The following PRKAG1 variants were observed in gnomAD, a reference collection of about 807,000 sequenced individuals.
PRKAG1 encodes protein kinase AMP-activated non-catalytic subunit gamma 1.
In PRKAG1, 27 loss-of-function variants were observed where a neutral mutation model predicts 48.2. The observed-to-expected ratio is 0.56, with a 90% CI of 0.41 to 0.77. The LOEUF is 0.77. Among genes scored for constraint, PRKAG1 ranks in the 30% least tolerant of loss-of-function variants. The pLI is 0.00. For synonymous variants in PRKAG1, 130 were observed against 147.7 expected (o/e 0.88, Z 0.87); for missense variants, 287 against 398.3 (o/e 0.72, Z 2.38).
chr12:49,017,456 C>T, intron 1 of PRKAG1: 1 of 311,108 alleles, frequency 3.2e-6, no homozygotes, highest in South Asian at 2.5e-5. Flanking sequence ...AAGCAATCCA[C>T]TTGCCTTGGC....
chr12:49,007,513 T>C (rs1170258587), intron 2 of PRKAG1, among the ~76,000 whole-genome samples: 1 of 152,190 alleles, frequency 6.6e-6, no homozygotes, highest in Non-Finnish European at 1.5e-5. Context: ...ACCAAAGTTA[T>C]ATAGACACAC....
intron 1 of PRKAG1, among the ~76,000 whole-genome samples, chr12:49,016,444 TC>T (rs1941972430): frequency 6.6e-6 from 1 of 152,218 alleles, no homozygotes; most frequent in African/African-American, 2.4e-5. Context: ...AAAACATTTG[TC>T]CCTCCAATCC....
At chr12:49,006,115 G>A (rs561102242) in intron 2 of PRKAG1, among the ~76,000 whole-genome samples, 6 of 152,086 alleles carry the variant, frequency 3.9e-5, no homozygotes, top group Non-Finnish European at 7.4e-5. Flanking sequence ...AAAACATAAA[G>A]CCTATAGTAT....
intron 2 of PRKAG1, 133 bp downstream of exon 2, chr12:49,012,929 A>G: frequency 1.2e-6 from 1 of 852,784 alleles, no homozygotes; most frequent in Non-Finnish European, 1.9e-6. Context: ...ACTGTCACTG[A>G]TTTTTGTGGT....
In PRKAG1 at chr12:49,018,753, C is replaced by G. The variant is rs762109977; in HGVS notation, c.-13G>C. On this transcript the variant is annotated 5_prime_UTR_variant, in exon 1 of 12. Coordinates refer to ENST00000548065, the MANE Select transcript of PRKAG1 (RefSeq NM_002733.5). ...TCACCGTCTCCATTGCAAGAGGCGC[C>G]CGGCTTGGTTTCCTCGCTTTAGGAA... The G allele has an allele frequency of 1.9e-6, 3 of 1,612,780 alleles. No homozygotes were observed. The highest frequency in any genetic ancestry group is 2.2e-5 in the East Asian group (1 of 44,880).
Position 49,005,799 on chromosome 12 carries a change from A to G in PRKAG1, c.112T>C (p.Cys38Arg). 1.2e-6 allele frequency: 2 copies of G among 1,614,048 alleles called. No homozygotes were observed. Among genetic ancestry groups the G allele is most frequent in the Non-Finnish European group, 1.7e-6 (2 of 1,179,968 alleles). Residue 38 changes from cysteine (C) to arginine (R), a missense_variant, in exon 3 of 12, where the codon TGC becomes CGC. This residue lies in a region of PRKAG1 where 63 missense variants were observed against 54.0 expected (regional missense o/e 1.17). Transcript: ENST00000548065. The surrounding 1 kb of genome is among the most constrained non-coding windows in gnomAD (Gnocchi z 4.1). ...VYTSFMKSHRCYDLIPTSSKL... is the reference protein window; with the variant it reads ...VYTSFMKSHRRYDLIPTSSKL... ...GAGCTTGTGGGAATCAGGTCATAGC[A>G]GCGATGAGACTTCATGAAGGAAGTA...
At chr12:49,003,484 T>C in intron 10 of PRKAG1, 74 bp downstream of exon 10, 1 of 1,573,100 alleles carries the variant, frequency 6.4e-7, no homozygotes, top group South Asian at 1.1e-5. Flanking sequence ...AGAGACTCCC[T>C]TCTCCCTCTC....
chr12:49,011,522 G>A (rs1170541411), intron 2 of PRKAG1, among the ~76,000 whole-genome samples: 1 of 150,846 alleles, frequency 6.6e-6, no homozygotes, highest in Non-Finnish European at 1.5e-5. Context: ...GGCAAAAATA[G>A]GTCTTAGTTG....
In PRKAG1 at chr12:49,005,781, T is replaced by A. The variant is rs771144897; in HGVS notation, c.130A>T (p.Thr44Ser). The A allele has an allele frequency of 1.9e-6, 3 of 1,614,116 alleles. No individual in the cohort carries two copies. Among genetic ancestry groups the A allele is most frequent in the Non-Finnish European group, 2.5e-6 (3 of 1,180,010 alleles). ...KSHRCYDLIP[T>S]SSKLVVFDTS... ...TCAAATACAACCAATTTGGAGCTTG[T>A]GGGAATCAGGTCATAGCAGCGATGA... The change falls in exon 3 of 12, where the codon ACA becomes TCA. Residue 44 changes from threonine (T) to serine (S), a missense_variant. This residue lies in a region of PRKAG1 where 63 missense variants were observed against 54.0 expected (regional missense o/e 1.17). Coordinates refer to ENST00000548065, the MANE Select transcript of PRKAG1 (RefSeq NM_002733.5). The surrounding 1 kb of genome is among the most constrained non-coding windows in gnomAD (Gnocchi z 4.1).
At chr12:49,017,815 C>T (rs1322461240) in intron 1 of PRKAG1, 1 of 152,288 alleles carries the variant, frequency 6.6e-6, no homozygotes, top group African/African-American at 2.4e-5. Context: ...AGCAGAGAAA[C>T]GGTGTGGCAA....
rs1275948386 is a variant in PRKAG1, at chr12:49,003,237, G to C, written c.795C>G (p.Ala265=). 6.2e-7 allele frequency: 1 copy of C among 1,614,044 alleles called. No individual in the cohort carries two copies. Among genetic ancestry groups the C allele is most frequent in the African/African-American group, 1.3e-5 (1 of 74,902 alleles). The part of the protein sequence containing the change: ...YNNLDVSVTK[A]LQHRSHYFEG... ...CAAAGTAATGTGATCGATGTTGCAA[G>C]GCTTTAGTCACAGATACATCTAGGT... The change falls in exon 11 of 12, where the codon GCC becomes GCG. Residue 265 remains alanine (A), a synonymous_variant. Transcript: ENST00000548065.
chr12:49,005,877 G>A lies in PRKAG1; in HGVS notation c.59-25C>T. ...TCTGCATAGGGTGGGATAGTTAGTA[G>A]CTTCCTTCCACATAAAAACTCCCAA... On this transcript the variant is annotated intron_variant, in intron 2 of 11. Transcript: ENST00000548065. The surrounding 1 kb of genome is among the most constrained non-coding windows in gnomAD (Gnocchi z 4.1). 6.7e-7 allele frequency: 1 copy of A among 1,500,062 alleles called. No individual in the cohort carries two copies. Among genetic ancestry groups the A allele is most frequent in the Non-Finnish European group, 9.0e-7 (1 of 1,109,700 alleles). The allele number at this position is 1,500,062 out of a possible 1,614,324, so 92.9% of individuals were successfully genotyped here. A position where few individuals can be genotyped will look rare whatever the true frequency, so the allele number is the denominator to read the frequency against.
In PRKAG1 at chr12:49,018,716, C is replaced by CT. The variant is rs1298662154; in HGVS notation, c.9+15dup. ...AGGCTCCACAGCGCCCCCGACCGCC[C>CT]TCCTGCACTCCTCACCGTCTCCATT... On this transcript the variant is annotated intron_variant, in intron 1 of 11. Transcript: ENST00000548065. 1 of 1,613,448 alleles carries CT rather than the reference C, an allele frequency of 6.2e-7. No homozygotes were observed.
At position 49,005,534 on chromosome 12, in the gene PRKAG1, C is replaced by T; in HGVS notation, c.178G>A (p.Ala60Thr). 6.2e-7 allele frequency: 1 copy of T among 1,614,142 alleles called. No homozygotes were observed. Among genetic ancestry groups the T allele is most frequent in the Non-Finnish European group, 8.5e-7 (1 of 1,180,028 alleles). The change falls in exon 4 of 12, where the codon GCT becomes ACT. Residue 60 changes from alanine (A) to threonine (T), a missense_variant. By Grantham distance (58) the Ala-to-Thr change is moderately conservative. Coordinates refer to ENST00000548065, the MANE Select transcript of PRKAG1 (RefSeq NM_002733.5). This position sits in a 1 kb window ranked among gnomAD's most constrained non-coding sequence, Gnocchi z 4.1. ...CCGTTAGTCACCAAAGCAAAAAAAG[C>T]TTTCTTCACCTGTAGCCAAGACAGT... ...VFDTSLQVKK[A>T]FFALVTNGVR...
intron 1 of PRKAG1, 29 bp downstream of exon 1, chr12:49,018,677 TGGGGGGGTGTCTTAGGCTCCACAGCG>T: frequency 1.2e-6 from 2 of 1,613,214 alleles, no homozygotes; most frequent in Non-Finnish European, 1.7e-6. Context: ...TCCTAAGGGT[TGGGGGGGTGTCTTAGGCTCCACAGCG>T]CCCCCGACCG....
chr12:49,009,865 G>T (rs1044712165), intron 2 of PRKAG1, among the ~76,000 whole-genome samples: 4 of 151,496 alleles, frequency 2.6e-5, no homozygotes, highest in African/African-American at 9.7e-5. Context: ...TGCCTGCCTC[G>T]GCCTCCCAAA....
rs941543742 is a variant in PRKAG1, at chr12:49,002,769, T to C, written c.*130A>G. ...CCCCATACCTTCCCTAGCTCCCAGA[T>C]AGAAGGGCAGGGGACCCTGAACAGG... On this transcript the variant is annotated 3_prime_UTR_variant, in exon 12 of 12. Coordinates refer to ENST00000548065, the MANE Select transcript of PRKAG1 (RefSeq NM_002733.5). 3 of 875,066 alleles carry C rather than the reference T, an allele frequency of 3.4e-6. No homozygotes were observed. Among genetic ancestry groups the C allele is most frequent in the African/African-American group, 1.7e-5 (1 of 60,190 alleles). 54.2% of individuals were successfully genotyped at this position (875,066 alleles called of 1,614,324 possible). A position where few individuals can be genotyped will look rare whatever the true frequency, so the allele number is the denominator to read the frequency against.
At chr12:49,018,603 C>T (rs1405751059) in intron 1 of PRKAG1, 129 bp downstream of exon 1, 2 of 1,571,188 alleles carry the variant, frequency 1.3e-6, no homozygotes, top group African/African-American at 2.7e-5. Flanking sequence ...CGGGATAGGG[C>T]AGACACCCGG....
rs764139416 is a variant in PRKAG1 at position 49,005,604 on chromosome 12, G to C, written c.169-61C>G. 1.9e-6 allele frequency: 3 copies of C among 1,613,618 alleles called. No individual in the cohort carries two copies. ...CCACAGGGGCAGGACTGTAAAAAAA[G>C]AACAGTGTTTGGGCATGTTGGGTAA... is the stretch of plus-strand genomic sequence containing the variant. On this transcript the variant is annotated intron_variant, in intron 3 of 11. Coordinates refer to ENST00000548065, the MANE Select transcript of PRKAG1 (RefSeq NM_002733.5). This position sits in a 1 kb window ranked among gnomAD's most constrained non-coding sequence, Gnocchi z 4.1.
Sources: gnomAD v4.1 joint callset for allele counts (sites outside exome capture counted in the v4.1 genomes callset) on GRCh38, gnomAD v4.1.1 for gene constraint, gnomAD v4.1.1 regional missense constraint, Gnocchi (gnomAD v3.1) non-coding constraint, MANE v1.5 for transcripts, NCBI Gene and HGNC (gene_info 2026-07-23, HGNC 2026-07-21) for gene names.